The following ASIC2 variants were observed in gnomAD, a reference collection of about 807,000 sequenced individuals.
The protein encoded by ASIC2 is acid sensing ion channel subunit 2, also known as acid-sensing ion channel 2.
ASIC2 carries 25 observed loss-of-function variants against 57.3 expected under a neutral mutation model. The observed-to-expected ratio is 0.44, with a 90% CI of 0.32 to 0.61. ASIC2 has a LOEUF of 0.61. Ranked by LOEUF, ASIC2 falls within the 20% of genes least tolerant of loss-of-function variation. The pLI is 0.06. For synonymous variants in ASIC2, 319 were observed against 307.5 expected, an observed-to-expected ratio of 1.04 and a Z score of -0.39; for missense variants, 641 against 738.1, an observed-to-expected ratio of 0.87 and a Z score of 1.52.
At chr17:34,148,591 T>C (rs1450481654) in intron 1 of ASIC2, among the ~76,000 whole-genome samples, 1 of 152,166 alleles carries the variant, frequency 6.6e-6, no homozygotes, top group East Asian at 1.9e-4. Flanking sequence ...TACATCTGTG[T>C]GCTGAGGTGG....
intron 1 of ASIC2, among the ~76,000 whole-genome samples, chr17:33,577,731 G>C (rs1263769698): frequency 6.6e-6 from 1 of 152,096 alleles, no homozygotes; most frequent in South Asian, 2.1e-4. Context: ...AGATGTCCCA[G>C]ATATGACTGC....
chr17:33,127,464 A>G (rs899560787), intron 1 of ASIC2, among the ~76,000 whole-genome samples: 4 of 152,168 alleles, frequency 2.6e-5, no homozygotes, highest in Non-Finnish European at 5.9e-5. Flanking sequence ...TTGAGTACCA[A>G]TTCCGTCCTA....
intron 1 of ASIC2, among the ~76,000 whole-genome samples, chr17:33,269,418 C>T (rs1033130167): frequency 6.6e-6 from 1 of 152,130 alleles, no homozygotes; most frequent in African/African-American, 2.4e-5. Flanking sequence ...AAATGACACC[C>T]CCATCAATAG....
Position 33,375,788 on chromosome 17 carries a change from C to T in ASIC2, c.556-263721G>A, listed in dbSNP as rs1172936455. On this transcript the variant is annotated intron_variant, in intron 1 of 9. Coordinates refer to the ASIC2 transcript ENST00000359872. ...TAATGGAGGTAGCAATGCAAGGTAT[C>T]GAAAAGGACAGGAGCCAAAGATGAA... Among the ~76,000 whole-genome samples, 4 of 152,188 alleles carry T rather than the reference C, an allele frequency of 2.6e-5. No individual in the cohort carries two copies. In the East Asian group the frequency reaches 7.7e-4, roughly 29 times the overall value.
chr17:33,307,861 A>G (rs955592232), intron 1 of ASIC2, among the ~76,000 whole-genome samples: 2 of 152,264 alleles, frequency 1.3e-5, no homozygotes, highest in Non-Finnish European at 2.9e-5. Flanking sequence ...CCTGACATAT[A>G]GTAAGTATTC....
chr17:33,381,550 T>C (rs1298899168), intron 1 of ASIC2, among the ~76,000 whole-genome samples: 1 of 151,904 alleles, frequency 6.6e-6, no homozygotes, highest in Non-Finnish European at 1.5e-5. Flanking sequence ...AACTCAACTC[T>C]GCTGCCAGCA....
chr17:33,192,446 A>AAACAAAACAC (rs1442809480), intron 1 of ASIC2, among the ~76,000 whole-genome samples: 2 of 138,306 alleles, frequency 1.4e-5, no homozygotes, highest in Non-Finnish European at 3.1e-5. Flanking sequence ...AAACAAAACA[A>AAACAAAACAC]AACAAAACAC....
At chr17:33,395,285 C>T (rs548038162) in intron 1 of ASIC2, among the ~76,000 whole-genome samples, 26 of 152,074 alleles carry the variant, frequency 1.7e-4, no homozygotes, top group African/African-American at 5.5e-4. Context: ...ATAACCGAGA[C>T]GGGCAATTTA....
chr17:33,548,122 G>A (rs998809390), intron 1 of ASIC2, among the ~76,000 whole-genome samples: 1 of 152,140 alleles, frequency 6.6e-6, no homozygotes, highest in Non-Finnish European at 1.5e-5. Flanking sequence ...AGTTCAATAA[G>A]CATATGAAAG....
At chr17:33,323,841 A>G (rs1359467719) in intron 1 of ASIC2, among the ~76,000 whole-genome samples, 1 of 151,840 alleles carries the variant, frequency 6.6e-6, no homozygotes, top group Non-Finnish European at 1.5e-5. Context: ...CAGAACGGTA[A>G]TTATAGTTGT....
chr17:33,169,240 T>C (rs1198444334), intron 1 of ASIC2, among the ~76,000 whole-genome samples: 2 of 152,142 alleles, frequency 1.3e-5, no homozygotes, highest in Non-Finnish European at 2.9e-5. Flanking sequence ...GAACAAAGAA[T>C]ATAAGAGCTG....
intron 1 of ASIC2, among the ~76,000 whole-genome samples, chr17:33,468,957 G>A (rs895995823): frequency 2.0e-5 from 3 of 152,232 alleles, no homozygotes; most frequent in African/African-American, 7.2e-5. Context: ...TATGCAACAA[G>A]TTAGTGAATA....
At chr17:34,037,970 T>C in intron 1 of ASIC2, 2 of 1,613,678 alleles carry the variant, frequency 1.2e-6, no homozygotes, top group Non-Finnish European at 1.7e-6. Context: ...ATTTGAGATC[T>C]TTGGTGGTTC....
chr17:33,618,799 A>G (rs1307660416), intron 1 of ASIC2, among the ~76,000 whole-genome samples: 1 of 152,178 alleles, frequency 6.6e-6, no homozygotes, highest in Non-Finnish European at 1.5e-5. Context: ...ATGCCCAAAT[A>G]TTTTATTAAT....
chr17:33,542,215 C>T (rs905589611), intron 1 of ASIC2, among the ~76,000 whole-genome samples: 21 of 152,034 alleles, frequency 1.4e-4, no homozygotes, highest in African/African-American at 2.2e-4. Flanking sequence ...TACGTGTGCA[C>T]GTGTCTTTAT....
chr17:33,731,866 A>G (rs1909754079), intron 1 of ASIC2, among the ~76,000 whole-genome samples: 1 of 152,166 alleles, frequency 6.6e-6, no homozygotes, highest in Non-Finnish European at 1.5e-5. Flanking sequence ...AGCCTATAAA[A>G]CAAGGATAGT....
At chr17:34,155,981 G>A in exon 1 of ASIC2, 2 of 1,603,918 alleles carry the variant, frequency 1.2e-6, no homozygotes, top group Non-Finnish European at 1.7e-6. Flanking sequence ...TACTCACTGT[G>A]GTGAAGTCTT....
chr17:33,830,268 T>C (rs1913062411), intron 1 of ASIC2, among the ~76,000 whole-genome samples: 1 of 152,208 alleles, frequency 6.6e-6, no homozygotes, highest in Non-Finnish European at 1.5e-5. Context: ...ATTGCTTCTC[T>C]TCAGTCTTAT....
chr17:33,578,001 A>G (rs961845660), intron 1 of ASIC2, among the ~76,000 whole-genome samples: 2 of 151,824 alleles, frequency 1.3e-5, no homozygotes. Context: ...TCCAATCTCC[A>G]TTTACAGGTT....
Sources: allele counts gnomAD v4.1 joint callset (sites outside exome capture counted in the v4.1 genomes callset), GRCh38; gene constraint gnomAD v4.1.1; transcripts MANE v1.5; gene names NCBI Gene and HGNC (gene_info 2026-07-23, HGNC 2026-07-21).